Variants in KAT2B observed in about 807,000 individuals in gnomAD.
KAT2B encodes the protein lysine acetyltransferase 2B.
In KAT2B, 36 loss-of-function variants were observed where a neutral mutation model predicts 105.9. The observed-to-expected ratio is 0.34, with a 90% CI of 0.26 to 0.45. The LOEUF (loss-of-function observed/expected upper bound fraction) is 0.45. KAT2B is among the 20% of genes least tolerant of loss of function. The pLI, the probability that KAT2B is intolerant of heterozygous loss-of-function variation, is 1.00. For synonymous variants in KAT2B, 397 were observed against 377.9 expected, an observed-to-expected ratio of 1.05 and a Z score of -0.59; for missense variants, 820 against 1,021.6, an observed-to-expected ratio of 0.80 and a Z score of 2.69.
At chr3:20,061,949 T>A (rs1279610297) in intron 1 of KAT2B, among the ~76,000 whole-genome samples, 3 of 117,686 alleles carry the variant, frequency 2.5e-5, no homozygotes, top group Non-Finnish European at 4.8e-5. Context: ...ATAATATATA[T>A]TATATATAAA....
At chr3:20,119,575 T>A (rs952797205) in intron 7 of KAT2B, 23 bp from the exon 8 acceptor site, 1 of 1,613,398 alleles carries the variant, frequency 6.2e-7, no homozygotes, top group African/African-American at 1.3e-5. Flanking sequence ...ATCTAACACC[T>A]TCTTCTCCTT....
chr3:20,140,197 T>C, intron 12 of KAT2B, 24 bp from the exon 13 acceptor site: 1 of 1,475,692 alleles, frequency 6.8e-7, no homozygotes, highest in Non-Finnish European at 9.5e-7. Flanking sequence ...GGTGTTCATA[T>C]GAATGAATTT....
rs748338570 is a variant in KAT2B, at chr3:20,040,802, A to G, written c.303+22A>G. 5 of 1,576,470 alleles carry G rather than the reference A, an allele frequency of 3.2e-6. No homozygotes were observed. In the African/African-American group the frequency reaches 6.9e-5, roughly 22 times the overall value. ...CAAGGTACGCGCTCGCCGCTCTCGG[A>G]CCGCGGATGGGTGCTAGGGGCCCAG... is the stretch of plus-strand genomic sequence containing the variant. On this transcript the variant is annotated intron_variant, in intron 1 of 17. Coordinates refer to ENST00000263754, the MANE Select transcript of KAT2B (RefSeq NM_003884.5).
chr3:20,081,003 G>T lies in KAT2B; in HGVS notation c.430+8544G>T, dbSNP rs537148064. ...TCATCTAATGGGCTCTTACTCTTAGGCTTCTCTTTTTTTTCATTCCAGATC... is the reference window on the plus strand; with the variant it reads ...TCATCTAATGGGCTCTTACTCTTAGTCTTCTCTTTTTTTTCATTCCAGATC... On this transcript the variant is annotated intron_variant, in intron 2 of 17. Coordinates refer to ENST00000263754, the MANE Select transcript of KAT2B (RefSeq NM_003884.5). Among the ~76,000 whole-genome samples, 5 of 152,102 alleles carry T rather than the reference G, an allele frequency of 3.3e-5. No individual in the cohort carries two copies. In the South Asian group the frequency reaches 1.0e-3, roughly 32 times the overall value.
chr3:20,130,611 T>C (rs12487645), intron 11 of KAT2B, among the ~76,000 whole-genome samples: 19 of 152,198 alleles, frequency 1.2e-4, no homozygotes, highest in Admixed American at 1.2e-3. Flanking sequence ...TTAGGGATAC[T>C]AAAGGGAAAC....
rs555906565 is a variant in KAT2B, at chr3:20,072,392, C to G, written c.363C>G (p.Pro121=). 9 of 1,613,416 alleles carry G rather than the reference C, an allele frequency of 5.6e-6. No homozygotes were observed. The highest frequency in any genetic ancestry group is 2.2e-5 in the South Asian group (2 of 91,070). Residue 121 remains proline (P), a synonymous_variant, in exon 2 of 18, where the codon CCC becomes CCG. Coordinates refer to ENST00000263754, the MANE Select transcript of KAT2B (RefSeq NM_003884.5). ...ACCCTAACCCCTCACCCACTCCCCC[C>G]AGAGCCGACCTGCAGCAAATAATTG... ...WKNPNPSPTP[P]RADLQQIIVS...
At chr3:20,079,011 G>T (rs1242156787) in intron 2 of KAT2B, among the ~76,000 whole-genome samples, 3 of 150,662 alleles carry the variant, frequency 2.0e-5, no homozygotes, top group Admixed American at 1.3e-4. Flanking sequence ...AGCTTCCCAG[G>T]TAGCTGGGAT....
chr3:20,128,281 G>A (rs1023485259), intron 11 of KAT2B, among the ~76,000 whole-genome samples: 2 of 152,296 alleles, frequency 1.3e-5, no homozygotes, highest in South Asian at 4.1e-4. Context: ...TACTGGAAAG[G>A]ATATGGTTAA....
Position 20,101,428 on chromosome 3 carries a change from C to G in KAT2B, c.811C>G (p.Pro271Ala). 1 of 1,614,088 alleles carries G rather than the reference C, an allele frequency of 6.2e-7. No homozygotes were observed. Among genetic ancestry groups the G allele is most frequent in the Non-Finnish European group, 8.5e-7 (1 of 1,179,964 alleles). The change falls in exon 5 of 18, where the codon CCC (proline) becomes GCC (alanine). Residue 271 changes from proline to alanine, a missense_variant. Coordinates refer to ENST00000263754, the MANE Select transcript of KAT2B (RefSeq NM_003884.5). ...ACCATCTCAACGAAGACTGCGATCT[C>G]CCAATGATGATATTTCTGGATACAA... ...EAPSQRRLRSPNDDISGYKEN... is the reference protein window; with the variant it reads ...EAPSQRRLRSANDDISGYKEN...
chr3:20,152,596 C>A lies in KAT2B; in HGVS notation c.*71C>A. The A allele has an allele frequency of 2.4e-6, 3 of 1,255,190 alleles. No individual in the cohort carries two copies. The highest frequency in any genetic ancestry group is 2.0e-5 in the Admixed American group (1 of 51,244). 77.8% of individuals were successfully genotyped at this position (1,255,190 alleles called of 1,614,324 possible). ...TAAAGCAAGGTGGTTTAGTTTTTTA[C>A]AAAGAATTGGACATGATGTATTGAA... On this transcript the variant is annotated 3_prime_UTR_variant, in exon 18 of 18. Coordinates refer to ENST00000263754, the MANE Select transcript of KAT2B (RefSeq NM_003884.5).
chr3:20,082,375 A>G (rs574467500), intron 2 of KAT2B, among the ~76,000 whole-genome samples: 68 of 152,258 alleles, frequency 4.5e-4, no homozygotes, highest in African/African-American at 1.4e-3. Context: ...TACCAACTTT[A>G]GTAAATTTAA....
chr3:20,049,572 C>G (rs942728845), intron 1 of KAT2B, among the ~76,000 whole-genome samples: 3 of 152,160 alleles, frequency 2.0e-5, no homozygotes, highest in African/African-American at 7.2e-5. Flanking sequence ...GAGGGGGTCG[C>G]TTTTCTTCCA....
intron 6 of KAT2B, 26 bp from the exon 7 acceptor site, chr3:20,114,856 C>T (rs4515067): frequency 6.3e-6 from 8 of 1,278,560 alleles, no homozygotes; most frequent in Admixed American, 3.7e-5. Context: ...TTTTTTTAAT[C>T]TTATTGCTAT....
intron 3 of KAT2B, 111 bp from the exon 4 acceptor site, chr3:20,099,751 G>A (rs1192480251): frequency 3.3e-6 from 2 of 606,754 alleles, no homozygotes; most frequent in Non-Finnish European, 6.0e-6. Flanking sequence ...GGCTGTGTGT[G>A]TGTGTGTAAG....
chr3:20,128,214 T>C (rs990209342), intron 11 of KAT2B, among the ~76,000 whole-genome samples: 1 of 152,202 alleles, frequency 6.6e-6, no homozygotes, highest in African/African-American at 2.4e-5. Flanking sequence ...GATCTCAGTG[T>C]TCATTGTTAA....
At chr3:20,137,125 A>G in intron 12 of KAT2B, 73 bp downstream of exon 12, 3 of 771,864 alleles carry the variant, frequency 3.9e-6, no homozygotes, top group South Asian at 3.1e-5. Flanking sequence ...GTTCTTCCAA[A>G]TAAGTTTCTC....
Position 20,117,388 on chromosome 3 carries a change from C to T in KAT2B, c.1151-2210C>T, listed in dbSNP as rs74461468. The stretch of plus-strand genomic sequence containing the variant: ...ATCATCTACTTAATTAGCATGTCTG[C>T]GTATCGATGCAACTGTGATAAATGA... On this transcript the variant is annotated intron_variant, in intron 7 of 17. Transcript: ENST00000263754. Among the ~76,000 whole-genome samples the T allele has an allele frequency of 2.8e-3, 432 of 152,186 alleles. 2 individuals carry two copies. The highest frequency in any genetic ancestry group is 9.6e-3 in the African/African-American group (398 of 41,510).
intron 1 of KAT2B, among the ~76,000 whole-genome samples, chr3:20,055,071 C>T (rs1251287825): frequency 6.6e-6 from 1 of 151,822 alleles, no homozygotes; most frequent in African/African-American, 2.4e-5. Flanking sequence ...AGACCCAGCC[C>T]AGATAGAGGG....
chr3:20,044,570 G>A (rs559114580), intron 1 of KAT2B, among the ~76,000 whole-genome samples: 1 of 151,124 alleles, frequency 6.6e-6, no homozygotes, highest in East Asian at 1.9e-4. Context: ...TCAGGCACAT[G>A]GTTTCCTTTC....
Sources: gnomAD v4.1 joint callset for allele counts (sites outside exome capture counted in the v4.1 genomes callset) on GRCh38, gnomAD v4.1.1 for gene constraint, MANE v1.5 for transcripts, NCBI Gene and HGNC (gene_info 2026-07-23, HGNC 2026-07-21) for gene names.